Variants in TET1 observed in about 807,000 individuals in gnomAD.
TET1 encodes the protein methylcytosine dioxygenase TET1.
A neutral mutation model predicts 148.7 loss-of-function variants in TET1; 13 were observed. That is an observed-to-expected ratio of 0.09 (90% CI 0.06 to 0.14). TET1 has a LOEUF of 0.14. Ranked by LOEUF, TET1 falls within the 10% of genes least tolerant of loss-of-function variation. The probability of loss-of-function intolerance (pLI) is 1.00; values close to 1 mark genes in which losing one functional copy is unlikely to be tolerated. For missense variants in TET1, 2,182 were observed against 2,553.8 expected (o/e 0.85, Z 3.14); for synonymous variants, 907 against 937.2 (o/e 0.97, Z 0.59).
In TET1 at chr10:68,693,558, A is replaced by G. The variant is rs1199931914; in HGVS notation, c.*1744A>G. 1.3e-5 allele frequency: 3 copies of G among 232,918 alleles called. No individual in the cohort carries two copies. Among genetic ancestry groups the G allele is most frequent in the Non-Finnish European group, 1.7e-5 (2 of 117,842 alleles). 14.4% of individuals were successfully genotyped at this position (232,918 alleles called of 1,614,324 possible). On this transcript the variant is annotated 3_prime_UTR_variant, in exon 12 of 12. Transcript: ENST00000373644. The stretch of plus-strand genomic sequence containing the variant: ...AGGGATTGTAAAAAACAAAATGTCC[A>G]TTGATAGACCATCGTGTACAAGTAG...
At position 68,693,365 on chromosome 10, in the gene TET1, T is replaced by A. The variant is rs2055617170; in HGVS notation, c.*1551T>A. 4.3e-6 allele frequency: 1 copy of A among 233,212 alleles called. No homozygotes were observed. Among genetic ancestry groups the A allele is most frequent in the Admixed American group, 5.6e-5 (1 of 17,756 alleles). 14.4% of individuals were successfully genotyped at this position (233,212 alleles called of 1,614,324 possible). A position where few individuals can be genotyped will look rare whatever the true frequency, so the allele number is the denominator to read the frequency against. On this transcript the variant is annotated 3_prime_UTR_variant, in exon 12 of 12. Coordinates refer to ENST00000373644, the MANE Select transcript of TET1 (RefSeq NM_030625.3). Reference sequence around the variant, plus strand: ...TGGAAAACCTAATGGTGCTTCTCCCTTGGAAATGCCATAGGAAGCCCACAA... The same window carrying A: ...TGGAAAACCTAATGGTGCTTCTCCCATGGAAATGCCATAGGAAGCCCACAA...
At chr10:68,562,188 C>T (rs558049761) in intron 1 of TET1, among the ~76,000 whole-genome samples, 109 of 152,182 alleles carry the variant, frequency 7.2e-4, no homozygotes, top group Non-Finnish European at 1.4e-3. Context: ...TCCCCTGGAC[C>T]TGAGTGTGCT....
intron 4 of TET1, among the ~76,000 whole-genome samples, chr10:68,649,947 C>T (rs1161352285): frequency 1.3e-5 from 2 of 152,078 alleles, no homozygotes; most frequent in Admixed American, 6.5e-5. Flanking sequence ...CACTTAAAGA[C>T]AGAGAAACAA....
intron 4 of TET1, among the ~76,000 whole-genome samples, chr10:68,650,088 G>A (rs1253298420): frequency 1.3e-5 from 2 of 152,128 alleles, no homozygotes; most frequent in African/African-American, 4.8e-5. Context: ...CTCAAACTGA[G>A]CAGTATTGGT....
At chr10:68,576,916 A>AT (rs149710241) in intron 2 of TET1, among the ~76,000 whole-genome samples, 52,502 of 143,612 alleles carry the variant, frequency 0.37, 9,577 homozygotes, top group Middle Eastern at 0.43. Context: ...TAATTTTTGT[A>AT]TTTTTTTTTT....
intron 3 of TET1, among the ~76,000 whole-genome samples, chr10:68,630,304 T>C (rs2054550702): frequency 6.6e-6 from 1 of 152,050 alleles, no homozygotes; most frequent in Non-Finnish European, 1.5e-5. Context: ...TTAGACATGG[T>C]TGAGTTTTGT....
chr10:68,674,270 T>G (rs921355968), intron 8 of TET1: 1 of 154,190 alleles, frequency 6.5e-6, no homozygotes, highest in Non-Finnish European at 1.4e-5. Flanking sequence ...AGCTAGGTTT[T>G]CTTTCTAAAT....
intron 3 of TET1, among the ~76,000 whole-genome samples, chr10:68,625,237 ACTGTATTTGATCCAGTAT>A (rs1243809769): frequency 3.9e-5 from 6 of 152,108 alleles, no homozygotes; most frequent in Non-Finnish European, 7.4e-5. Flanking sequence ...TCCTTTGTTG[ACTGTATTTGATCCAGTAT>A]CTAGTCCCTA....
intron 3 of TET1, among the ~76,000 whole-genome samples, chr10:68,642,911 T>C (rs2054780391): frequency 6.6e-6 from 1 of 152,174 alleles, no homozygotes; most frequent in Admixed American, 6.6e-5. Context: ...AGCTGTATTG[T>C]ACACTTTGCA....
chr10:68,683,569 C>G (rs190197477), intron 10 of TET1, among the ~76,000 whole-genome samples: 4 of 151,978 alleles, frequency 2.6e-5, no homozygotes, highest in Non-Finnish European at 4.4e-5. Context: ...TGAGTCACCA[C>G]GCCCAGCCAA....
intron 1 of TET1, among the ~76,000 whole-genome samples, chr10:68,562,377 A>C (rs184375849): frequency 1.0e-3 from 155 of 152,300 alleles, no homozygotes; most frequent in African/African-American, 3.6e-3. Context: ...TAGGTACGGA[A>C]ATAAGGAGAT....
intron 2 of TET1, among the ~76,000 whole-genome samples, chr10:68,578,278 A>T (rs1202033179): frequency 6.6e-6 from 1 of 152,120 alleles, no homozygotes; most frequent in African/African-American, 2.4e-5. Flanking sequence ...TTTATTTTTG[A>T]GACAAAGTCT....
chr10:68,690,741 C>T, intron 11 of TET1, 67 bp from the exon 12 acceptor site: 2 of 1,471,662 alleles, frequency 1.4e-6, no homozygotes, highest in Non-Finnish European at 1.8e-6. Context: ...TTTGAAAATA[C>T]TTTTTAAAAG....
At chr10:68,685,802 GAATAGAGCAGT>G (rs2055500743) in intron 10 of TET1, among the ~76,000 whole-genome samples, 1 of 152,014 alleles carries the variant, frequency 6.6e-6, no homozygotes, top group East Asian at 1.9e-4. Context: ...CTCCTCACTG[GAATAGAGCAGT>G]AATAGAACAG....
At position 68,573,349 on chromosome 10, in the gene TET1, G is replaced by T. The variant is rs766662469; in HGVS notation, c.1011G>T (p.Ala337=). 7 of 1,614,026 alleles carry T rather than the reference G, an allele frequency of 4.3e-6. No homozygotes were observed. The highest frequency in any genetic ancestry group is 5.9e-6 in the Non-Finnish European group (7 of 1,180,016). Residue 337 remains alanine (A), a synonymous_variant, in exon 2 of 12, where the codon GCG becomes GCT. Coordinates refer to ENST00000373644, the MANE Select transcript of TET1 (RefSeq NM_030625.3). ...IKFLLAGSKQ[A]TLGAKPDHQE... The stretch of plus-strand genomic sequence containing the variant: ...TCCTCTTGGCAGGCTCAAAACAAGC[G>T]ACCCTTGGTGCTAAACCAGATCATC...
intron 3 of TET1, among the ~76,000 whole-genome samples, chr10:68,619,168 T>C (rs1011101378): frequency 6.6e-6 from 1 of 152,192 alleles, no homozygotes; most frequent in Non-Finnish European, 1.5e-5. Context: ...AGGTATAGTC[T>C]ATATACATAC....
chr10:68,632,795 G>A, intron 3 of TET1: 1 of 1,009,000 alleles, frequency 9.9e-7, no homozygotes, highest in Non-Finnish European at 1.5e-6. Flanking sequence ...AACATTTCAT[G>A]TGCAATAAGC....
chr10:68,622,210 C>CTTCCTTCCTTCT (rs1178353808), intron 3 of TET1, among the ~76,000 whole-genome samples: 4 of 128,628 alleles, frequency 3.1e-5, no homozygotes, highest in African/African-American at 1.1e-4. Context: ...TCCTTCCTTC[C>CTTCCTTCCTTCT]TTCCTTCCTT....
chr10:68,660,309 C>CT (rs1315348986), intron 6 of TET1, among the ~76,000 whole-genome samples: 11 of 150,744 alleles, frequency 7.3e-5, no homozygotes, highest in Non-Finnish European at 1.2e-4. Flanking sequence ...TTTAATTTAA[C>CT]TTTTTTTTAC....
Sources: allele counts gnomAD v4.1 joint callset (sites outside exome capture counted in the v4.1 genomes callset), GRCh38; gene constraint gnomAD v4.1.1; transcripts MANE v1.5; gene names NCBI Gene and HGNC (gene_info 2026-07-23, HGNC 2026-07-21).